The following TBC1D5 variants were observed in gnomAD, a reference collection of about 807,000 sequenced individuals.
TBC1D5 encodes the protein TBC1 domain family member 5.
A neutral mutation model predicts 100.3 loss-of-function variants in TBC1D5; 75 were observed. That is an observed-to-expected ratio of 0.75 (90% confidence interval 0.62 to 0.91). The LOEUF (loss-of-function observed/expected upper bound fraction) is 0.91. Ranked by LOEUF, TBC1D5 falls within the 40% of genes least tolerant of loss-of-function variation. The pLI is 0.00. For missense variants in TBC1D5, 910 were observed against 942.4 expected (o/e 0.97, Z 0.45); for synonymous variants, 323 against 325.6 (o/e 0.99, Z 0.09).
chr3:17,593,051 G>A (rs112842382), intron 2 of TBC1D5, among the ~76,000 whole-genome samples: 2,542 of 152,148 alleles, frequency 0.017, 26 homozygotes, highest in Admixed American at 0.026. Context: ...GACTCAAGCA[G>A]GTCCTGAAGG....
intron 1 of TBC1D5, among the ~76,000 whole-genome samples, chr3:17,699,282 C>T: frequency 1.5e-5 from 2 of 137,920 alleles, no homozygotes; most frequent in Admixed American, 7.5e-5. Flanking sequence ...TCTCAGTAAA[C>T]TATCGCAAGA....
At chr3:17,381,255 T>C (rs553799901) in intron 9 of TBC1D5, among the ~76,000 whole-genome samples, 3 of 152,088 alleles carry the variant, frequency 2.0e-5, no homozygotes, top group Admixed American at 2.0e-4. Context: ...ACAGTTATTA[T>C]GTTTTTGTTC....
intron 3 of TBC1D5, among the ~76,000 whole-genome samples, chr3:17,475,265 C>T (rs2095425144): frequency 6.6e-6 from 1 of 151,948 alleles, no homozygotes; most frequent in Non-Finnish European, 1.5e-5. Context: ...TACATCTTCC[C>T]AGAATCTCAG....
chr3:17,535,676 A>C (rs538479886), intron 2 of TBC1D5, among the ~76,000 whole-genome samples: 42 of 152,292 alleles, frequency 2.8e-4, no homozygotes, highest in South Asian at 1.0e-3. Context: ...TAGTAGTTTT[A>C]AGTTAACAGA....
chr3:17,178,473 T>C (rs1370273446), intron 19 of TBC1D5, among the ~76,000 whole-genome samples: 1 of 152,180 alleles, frequency 6.6e-6, no homozygotes, highest in Non-Finnish European at 1.5e-5. Flanking sequence ...TAAAAAAACA[T>C]GGGAGTGCAG....
chr3:17,270,348 T>G (rs2079270242), intron 15 of TBC1D5, among the ~76,000 whole-genome samples: 1 of 152,156 alleles, frequency 6.6e-6, no homozygotes, highest in Non-Finnish European at 1.5e-5. Context: ...TTTTTTTCCC[T>G]TGATTTGTTT....
Position 17,740,468 on chromosome 3 carries a change from CCA to C in TBC1D5, c.-1228_-1227del, listed in dbSNP as rs1177087892. On this transcript the variant is annotated 5_prime_UTR_variant, in exon 1 of 22. Coordinates refer to ENST00000253692, the Ensembl canonical transcript of TBC1D5. ...ATAAAAATTATGGTACTAAAAACTT[CCA>C]CAAAGTTATTTAGAAGTACAACCTC... 6 of 152,200 alleles carry C rather than the reference CCA, an allele frequency of 3.9e-5. No individual in the cohort carries two copies. The East Asian group carries it at 7.7e-4, about 20-fold the overall frequency. The allele number at this position is 152,200 out of a possible 1,614,324, so 9.4% of individuals were successfully genotyped here. A position where few individuals can be genotyped will look rare whatever the true frequency, so the allele number is the denominator to read the frequency against.
At chr3:17,575,734 C>A (rs780822933) in intron 2 of TBC1D5, among the ~76,000 whole-genome samples, 18 of 152,138 alleles carry the variant, frequency 1.2e-4, no homozygotes, top group Non-Finnish European at 2.2e-4. Flanking sequence ...TCAGAATTTA[C>A]TTTGGAGGGT....
chr3:17,541,012 G>T (rs1380600527), intron 2 of TBC1D5, among the ~76,000 whole-genome samples: 1 of 150,998 alleles, frequency 6.6e-6, no homozygotes, highest in Non-Finnish European at 1.5e-5. Flanking sequence ...TGTTTCATTG[G>T]TCTATATGTC....
chr3:17,471,205 A>G (rs1324503181), intron 3 of TBC1D5, among the ~76,000 whole-genome samples: 1 of 152,212 alleles, frequency 6.6e-6, no homozygotes, highest in Non-Finnish European at 1.5e-5. Context: ...AAAACTGGGC[A>G]TACAGATGAA....
At chr3:17,225,512 G>GTA (rs1231329449) in intron 17 of TBC1D5, among the ~76,000 whole-genome samples, 1 of 149,908 alleles carries the variant, frequency 6.7e-6, no homozygotes, top group Non-Finnish European at 1.5e-5. Context: ...TAAAAATACA[G>GTA]TATAACAGGC....
intron 1 of TBC1D5, among the ~76,000 whole-genome samples, chr3:17,665,907 GT>G (rs1367510654): frequency 3.9e-5 from 6 of 152,256 alleles, no homozygotes; most frequent in African/African-American, 1.2e-4. Context: ...GGTCTTTTGT[GT>G]GTGTGACCCT....
At position 17,596,690 on chromosome 3, in the gene TBC1D5, G is replaced by C. The variant is rs1245609209; in HGVS notation, c.-36+27159C>G. Among the ~76,000 whole-genome samples the C allele has an allele frequency of 5.0e-4, 58 of 115,718 alleles. 1 individual carries two copies. Among genetic ancestry groups the C allele is most frequent in the African/African-American group, 2.0e-3 (58 of 28,880 alleles). 75.9% of individuals were successfully genotyped at this position (115,718 alleles called of 152,430 possible). A position where few individuals can be genotyped will look rare whatever the true frequency, so the allele number is the denominator to read the frequency against. ...CCCTCCAGACCAGGCAACAATGAGA[G>C]ACTCCATCTCAAAAAAAAAAAAAAA... On this transcript the variant is annotated intron_variant, in intron 2 of 21. Transcript: ENST00000253692.
intron 3 of TBC1D5, among the ~76,000 whole-genome samples, chr3:17,429,921 GT>G (rs982151832): frequency 2.0e-5 from 3 of 150,580 alleles, no homozygotes; most frequent in Non-Finnish European, 4.5e-5. Flanking sequence ...AGTTTATTTT[GT>G]TTTTTGAAAA....
intron 3 of TBC1D5, among the ~76,000 whole-genome samples, chr3:17,437,676 G>C (rs1408267675): frequency 7.7e-6 from 1 of 129,576 alleles, no homozygotes; most frequent in Non-Finnish European, 1.6e-5. Context: ...TGGGAGAGAG[G>C]GGGCAGAGGA....
chr3:17,491,977 A>G (rs2150562241), intron 3 of TBC1D5, among the ~76,000 whole-genome samples: 2 of 152,200 alleles, frequency 1.3e-5, no homozygotes, highest in South Asian at 4.2e-4. Flanking sequence ...TTCTGAACTT[A>G]TTATGGGTTT....
intron 2 of TBC1D5, among the ~76,000 whole-genome samples, chr3:17,564,729 A>G (rs1415662861): frequency 6.6e-6 from 1 of 152,196 alleles, no homozygotes; most frequent in African/African-American, 2.4e-5. Context: ...TTAAGTAGTC[A>G]GCATAGACAA....
At chr3:17,413,579 G>A (rs1390317098) in intron 4 of TBC1D5, among the ~76,000 whole-genome samples, 1 of 152,084 alleles carries the variant, frequency 6.6e-6, no homozygotes, top group Non-Finnish European at 1.5e-5. Flanking sequence ...ACATTGGTGT[G>A]AAACTAGTAC....
chr3:17,211,637 T>A (rs2073000433), intron 18 of TBC1D5, among the ~76,000 whole-genome samples: 1 of 152,194 alleles, frequency 6.6e-6, no homozygotes, highest in Admixed American at 6.5e-5. Context: ...TGCTTCTTTG[T>A]TTTTTGCCTA....
Sources: gnomAD v4.1 joint callset for allele counts (sites outside exome capture counted in the v4.1 genomes callset) on GRCh38, gnomAD v4.1.1 for gene constraint, MANE v1.5 for transcripts, NCBI Gene and HGNC (gene_info 2026-07-23, HGNC 2026-07-21) for gene names.